Variants in PYROXD1 observed in about 807,000 individuals in gnomAD.
The protein encoded by PYROXD1 is tRNA ligase complex-associated NAD(P)H dehydrogenase PYROXD1.
A neutral mutation model predicts 62.0 loss-of-function variants in PYROXD1; 42 were observed. That is an observed-to-expected ratio of 0.68 (90% confidence interval 0.53 to 0.88). PYROXD1 has a LOEUF of 0.88. PYROXD1 is among the 40% of genes least tolerant of loss of function. PYROXD1 has a pLI of 0.00. For missense variants in PYROXD1, 493 were observed against 604.8 expected (o/e 0.82, Z 1.94); for synonymous variants, 170 against 206.4 (o/e 0.82, Z 1.51).
chr12:21,446,431 AAG>A (rs1942390212), intron 3 of PYROXD1, among the ~76,000 whole-genome samples: 1 of 151,688 alleles, frequency 6.6e-6, no homozygotes, highest in Non-Finnish European at 1.5e-5. Flanking sequence ...TCTCAAAAAA[AAG>A]AGAGAAGTTG....
chr12:21,449,926 C>G (rs188473682), intron 4 of PYROXD1, among the ~76,000 whole-genome samples: 1 of 150,654 alleles, frequency 6.6e-6, no homozygotes, highest in Non-Finnish European at 1.5e-5. Context: ...GGCGCAGTCT[C>G]GGCTCACTGC....
chr12:21,465,175 G>A (rs1177088244), intron 10 of PYROXD1, among the ~76,000 whole-genome samples: 1 of 152,300 alleles, frequency 6.6e-6, no homozygotes, highest in Non-Finnish European at 1.5e-5. Flanking sequence ...AATCCTTTGG[G>A]TATATACGCA....
At chr12:21,466,578 T>C (rs1942798778) in intron 10 of PYROXD1, among the ~76,000 whole-genome samples, 1 of 152,200 alleles carries the variant, frequency 6.6e-6, no homozygotes. Flanking sequence ...CTGATGGGGT[T>C]TTCTAGATAT....
At chr12:21,457,628 G>C (rs981699660) in intron 7 of PYROXD1, among the ~76,000 whole-genome samples, 1 of 152,052 alleles carries the variant, frequency 6.6e-6, no homozygotes, top group African/African-American at 2.4e-5. Flanking sequence ...CATGACTGGG[G>C]AGGCCTCAGG....
Position 21,462,751 on chromosome 12 carries a change from A to G in PYROXD1, c.1005A>G (p.Gly335=). ...GGAATGTTGTTTAGTTTGATCTAGG[A>G]GAAGATGGTGGCCTGAAAGTGGATG... The part of the protein sequence containing the change: ...PFLHGNSFDL[G]EDGGLKVDDH... Residue 335 remains glycine, a synonymous_variant, in exon 10 of 12, where the codon GGA becomes GGG. Coordinates refer to ENST00000240651, the MANE Select transcript of PYROXD1 (RefSeq NM_024854.5). 2 of 1,613,856 alleles carry G rather than the reference A, an allele frequency of 1.2e-6. No individual in the cohort carries two copies. Among genetic ancestry groups the G allele is most frequent in the South Asian group, 1.1e-5 (1 of 91,062 alleles).
At position 21,470,797 on chromosome 12, in the gene PYROXD1, A is replaced by G; in HGVS notation, c.*2043A>G. On this transcript the variant is annotated 3_prime_UTR_variant, in exon 12 of 12. Transcript: ENST00000240651. ...TTAAAAGGCCAGTCTAAATTCTTTC[A>G]CTTACATCTTTACAGAAAACTATAT... 2.3e-6 allele frequency: 1 copy of G among 441,220 alleles called. No individual in the cohort carries two copies. The highest frequency in any genetic ancestry group is 3.7e-6 in the Non-Finnish European group (1 of 268,404). 27.3% of individuals were successfully genotyped at this position (441,220 alleles called of 1,614,324 possible).
intron 7 of PYROXD1, among the ~76,000 whole-genome samples, chr12:21,460,424 T>A (rs969091735): frequency 9.0e-5 from 10 of 111,222 alleles, no homozygotes; most frequent in East Asian, 5.5e-4. Flanking sequence ...TTATTTATTT[T>A]ATTTATTTAT....
At chr12:21,458,042 A>G (rs1942631698) in intron 7 of PYROXD1, among the ~76,000 whole-genome samples, 2 of 152,178 alleles carry the variant, frequency 1.3e-5, no homozygotes, top group African/African-American at 2.4e-5. Context: ...ATTATCCCCT[A>G]ACAGGAGAGT....
At chr12:21,452,249 T>C in intron 5 of PYROXD1, 95 bp downstream of exon 5, 2 of 820,746 alleles carry the variant, frequency 2.4e-6, no homozygotes, top group Non-Finnish European at 3.5e-6. Context: ...TGTGATTTGT[T>C]GGCAGACTGG....
chr12:21,464,555 T>C (rs2137286643), intron 10 of PYROXD1, among the ~76,000 whole-genome samples: 1 of 152,108 alleles, frequency 6.6e-6, no homozygotes, highest in South Asian at 2.1e-4. Context: ...TACAGGGAGG[T>C]AGAAGGAAAC....
rs1448160002 is a variant in PYROXD1, at chr12:21,437,834, G to A, written c.84+20G>A. ...GAGCAGGTAGGGCGGTGCTCAGGCGGTTCCGCCTCTTTCCCCGACCCCAAA... is the reference window on the plus strand; with the variant it reads ...GAGCAGGTAGGGCGGTGCTCAGGCGATTCCGCCTCTTTCCCCGACCCCAAA... On this transcript the variant is annotated intron_variant, in intron 1 of 11. Coordinates refer to ENST00000240651, the MANE Select transcript of PYROXD1 (RefSeq NM_024854.5). 2.5e-6 allele frequency: 4 copies of A among 1,605,534 alleles called. No homozygotes were observed. The highest frequency in any genetic ancestry group is 3.4e-6 in the Non-Finnish European group (4 of 1,175,914).
At chr12:21,445,993 G>A (rs1341452719) in intron 3 of PYROXD1, among the ~76,000 whole-genome samples, 2 of 152,112 alleles carry the variant, frequency 1.3e-5, no homozygotes, top group East Asian at 3.8e-4. Context: ...AATGTTCAAA[G>A]ACCCAAAGAA....
At position 21,467,540 on chromosome 12, in the gene PYROXD1, A is replaced by G. The variant is rs1303644697; in HGVS notation, c.1176A>G (p.Ala392=). ...GGTATGCAGCAAAGTGCATGGCTGCAGCGAGTTCAGGAGACTCTATTGACA... is the reference window on the plus strand; with the variant it reads ...GGTATGCAGCAAAGTGCATGGCTGCGGCGAGTTCAGGAGACTCTATTGACA... ...MGWYAAKCMA[A]ASSGDSIDMD... is the part of the protein sequence containing the mutation. The change falls in exon 11 of 12, where the codon GCA becomes GCG. Residue 392 remains alanine (A), a synonymous_variant. Transcript: ENST00000240651. 6.2e-7 allele frequency: 1 copy of G among 1,612,168 alleles called. No homozygotes were observed. The highest frequency in any genetic ancestry group is 1.3e-5 in the African/African-American group (1 of 74,786).
chr12:21,463,837 G>A (rs542053364), intron 10 of PYROXD1, among the ~76,000 whole-genome samples: 22 of 152,286 alleles, frequency 1.4e-4, no homozygotes, highest in African/African-American at 5.3e-4. Context: ...GATAAAGACA[G>A]TGACCAGAGG....
rs781318198 is a variant in PYROXD1, at chr12:21,437,796, C to T, written c.66C>T (p.Gly22=). The change falls in exon 1 of 12, where the codon GGC becomes GGT. Residue 22 remains glycine, a synonymous_variant. Coordinates refer to ENST00000240651, the MANE Select transcript of PYROXD1 (RefSeq NM_024854.5). ...KFVVVGGGIA[G]VTCAEQLATH... is the part of the protein sequence containing the mutation. ...TGGTGGTCGGCGGCGGCATCGCGGG[C>T]GTCACTTGTGCGGAGCAGGTAGGGC... 35 of 1,612,566 alleles carry T rather than the reference C, an allele frequency of 2.2e-5. No homozygotes were observed. The highest frequency in any genetic ancestry group is 6.7e-5 in the Admixed American group (4 of 59,888).
chr12:21,464,587 C>T (rs1052771515), intron 10 of PYROXD1, among the ~76,000 whole-genome samples: 6 of 152,084 alleles, frequency 3.9e-5, no homozygotes, highest in African/African-American at 1.4e-4. Flanking sequence ...TATACGCTAA[C>T]CTGTTTAATT....
chr12:21,468,442 A>T (rs574789763), intron 11 of PYROXD1, 64 bp from the exon 12 acceptor site: 2 of 1,456,906 alleles, frequency 1.4e-6, no homozygotes, highest in Non-Finnish European at 1.9e-6. Flanking sequence ...TTGACACAAA[A>T]TAACTACCCA....
intron 10 of PYROXD1, 152 bp downstream of exon 10, chr12:21,463,014 G>A: frequency 3.0e-6 from 2 of 657,218 alleles, no homozygotes; most frequent in Non-Finnish European, 4.7e-6. Flanking sequence ...AAAAAAACTA[G>A]AATATTTCCC....
intron 4 of PYROXD1, among the ~76,000 whole-genome samples, chr12:21,451,482 C>T (rs986480323): frequency 1.3e-5 from 2 of 151,700 alleles, no homozygotes; most frequent in Admixed American, 6.6e-5. Context: ...TTATTGGGTG[C>T]GTGCTACTCC....
Sources: gnomAD v4.1 joint callset for allele counts (sites outside exome capture counted in the v4.1 genomes callset) on GRCh38, gnomAD v4.1.1 for gene constraint, MANE v1.5 for transcripts, NCBI Gene and HGNC (gene_info 2026-07-23, HGNC 2026-07-21) for gene names.